DNAAF5: variants seen among roughly 807,000 people sequenced by gnomAD.
DNAAF5 encodes the protein HEAT repeat containing 2.
Under a neutral mutation model 75.8 loss-of-function variants are expected in DNAAF5, and 64 were observed. That is an observed-to-expected ratio of 0.84 (90% CI 0.69 to 1.04). The LOEUF is 1.04. Ranked by LOEUF, DNAAF5 falls within the 50% of genes least tolerant of loss-of-function variation. The pLI is 0.00. For synonymous variants in DNAAF5, 657 were observed against 557.2 expected, an observed-to-expected ratio of 1.18 and a Z score of -2.52; for missense variants, 1,269 against 1,178.5, an observed-to-expected ratio of 1.08 and a Z score of -1.12.
chr7:757,492 T>C (rs978028029), intron 6 of DNAAF5, among the ~76,000 whole-genome samples: 38 of 152,222 alleles, frequency 2.5e-4, no homozygotes, highest in Admixed American at 2.5e-3. Flanking sequence ...CAGGGGGCAC[T>C]GACAGCCTGT....
In DNAAF5 at chr7:727,329, GC is replaced by G. The variant is rs1300157813; in HGVS notation, c.595+18del. 1 of 1,253,282 alleles carries G rather than the reference GC, an allele frequency of 8.0e-7. No individual in the cohort carries two copies. Among genetic ancestry groups the G allele is most frequent in the Non-Finnish European group, 1.0e-6 (1 of 996,334 alleles). 77.6% of individuals were successfully genotyped at this position (1,253,282 alleles called of 1,614,324 possible). On this transcript the variant is annotated intron_variant, in intron 1 of 12. Transcript: ENST00000297440. ...AGGCCACGCCCGGTGAGCACCCCGG[GC>G]CCCGCTCCCACACGCCACCCCACAC...
chr7:758,891 C>T lies in DNAAF5; in HGVS notation c.1470+1897C>T, dbSNP rs573771036. ...AGAGACGGGGTTTCTCCATGTTGGCCAGGCTGGTCTTGAACTCCTGACTTC... is the reference window on the plus strand; with the variant it reads ...AGAGACGGGGTTTCTCCATGTTGGCTAGGCTGGTCTTGAACTCCTGACTTC... On this transcript the variant is annotated intron_variant, in intron 6 of 12. Coordinates refer to ENST00000297440, the MANE Select transcript of DNAAF5 (RefSeq NM_017802.4). Among the ~76,000 whole-genome samples, 3 of 152,212 alleles carry T rather than the reference C, an allele frequency of 2.0e-5. No individual in the cohort carries two copies. In the East Asian group the frequency reaches 5.8e-4, roughly 29 times the overall value.
intron 3 of DNAAF5, 135 bp from the exon 4 acceptor site, chr7:741,211 TC>T: frequency 1.4e-6 from 1 of 715,710 alleles, no homozygotes; most frequent in Non-Finnish European, 2.3e-6. Context: ...GAATTTCTGG[TC>T]CACCTTTTCT....
At chr7:737,886 G>A (rs780243267) in intron 2 of DNAAF5, among the ~76,000 whole-genome samples, 4 of 152,172 alleles carry the variant, frequency 2.6e-5, no homozygotes, top group Non-Finnish European at 5.9e-5. Context: ...TAAATGTCTT[G>A]AGGTAGTTTT....
chr7:734,759 T>C (rs538696910), intron 2 of DNAAF5, among the ~76,000 whole-genome samples: 1 of 152,376 alleles, frequency 6.6e-6, no homozygotes, highest in African/African-American at 2.4e-5. Context: ...TACTTGTTAC[T>C]GGTCTGTTCA....
chr7:744,475 A>G (rs891105679), intron 4 of DNAAF5, among the ~76,000 whole-genome samples: 3 of 152,234 alleles, frequency 2.0e-5, no homozygotes, highest in Admixed American at 6.5e-5. Context: ...TGGCTGGGTC[A>G]AATGGTATGT....
rs1000487366 is a variant in DNAAF5, at chr7:729,865, T to C, written c.780+18T>C. 1.2e-6 allele frequency: 2 copies of C among 1,612,940 alleles called. No homozygotes were observed. Among genetic ancestry groups the C allele is most frequent in the Non-Finnish European group, 1.7e-6 (2 of 1,179,238 alleles). On this transcript the variant is annotated intron_variant, in intron 2 of 12. Coordinates refer to ENST00000297440, the MANE Select transcript of DNAAF5 (RefSeq NM_017802.4). ...TCCCGCAGGTAACTGGTGTTTCTCCTGGACAGTCTGTTCCTCTCTCCAACA... is the reference window on the plus strand; with the variant it reads ...TCCCGCAGGTAACTGGTGTTTCTCCCGGACAGTCTGTTCCTCTCTCCAACA...
intron 4 of DNAAF5, among the ~76,000 whole-genome samples, chr7:752,279 G>T (rs954768431): frequency 2.0e-5 from 3 of 152,276 alleles, no homozygotes; most frequent in Admixed American, 6.5e-5. Context: ...GCCCAGAACC[G>T]CAGAGCTAGG....
At chr7:784,913 G>A (rs761394803) in intron 12 of DNAAF5, among the ~76,000 whole-genome samples, 8 of 152,136 alleles carry the variant, frequency 5.3e-5, no homozygotes, top group Non-Finnish European at 1.2e-4. Flanking sequence ...TGTGACTGCC[G>A]TGCACCCACC....
At position 774,063 on chromosome 7, in the gene DNAAF5, C is replaced by T; in HGVS notation, c.1947C>T (p.Tyr649=). 1 of 1,614,122 alleles carries T rather than the reference C, an allele frequency of 6.2e-7. No homozygotes were observed. The highest frequency in any genetic ancestry group is 8.5e-7 in the Non-Finnish European group (1 of 1,180,022). ...TINSQGQFPS[Y]LETVTKDILA... is the part of the protein sequence containing the mutation. ...CCGGTTCCAGGCAGTTTCCCAGCTACCTCGAGACGGTGACAAAGGACATCC... is the reference window on the plus strand; with the variant it reads ...CCGGTTCCAGGCAGTTTCCCAGCTATCTCGAGACGGTGACAAAGGACATCC... Residue 649 remains tyrosine (Y), a synonymous_variant, in exon 10 of 13, where the codon TAC becomes TAT. Transcript: ENST00000297440.
chr7:730,272 GGGCA>G (rs1203264940), intron 2 of DNAAF5, among the ~76,000 whole-genome samples: 1 of 152,012 alleles, frequency 6.6e-6, no homozygotes, highest in Non-Finnish European at 1.5e-5. Context: ...ACCAAGAGAC[GGGCA>G]GGCAGGCAGG....
intron 2 of DNAAF5, among the ~76,000 whole-genome samples, chr7:739,411 GT>G (rs1186158027): frequency 6.6e-5 from 10 of 152,218 alleles, no homozygotes; most frequent in Admixed American, 6.5e-4. Flanking sequence ...GACAGTGACA[GT>G]TTGTTCTGTG....
rs1437158338 is a variant in DNAAF5 at position 770,439 on chromosome 7, C to G, written c.1784-32C>G. 3 of 1,601,450 alleles carry G rather than the reference C, an allele frequency of 1.9e-6. No individual in the cohort carries two copies. In the African/African-American group the frequency reaches 4.0e-5, roughly 21 times the overall value. ...GGGGCCTCCTCCCGTCTCCTGAGGG[C>G]CGTGCACAGGAGCCTCTGTTGTGTC... On this transcript the variant is annotated intron_variant, in intron 8 of 12. Transcript: ENST00000297440.
intron 8 of DNAAF5, among the ~76,000 whole-genome samples, chr7:767,411 A>G (rs1778345331): frequency 1.3e-5 from 2 of 152,176 alleles, no homozygotes; most frequent in African/African-American, 4.8e-5. Flanking sequence ...CAGCAATCAC[A>G]TTCATGAGAA....
chr7:784,440 C>T (rs950049237), intron 12 of DNAAF5, among the ~76,000 whole-genome samples: 6 of 152,172 alleles, frequency 3.9e-5, no homozygotes, highest in South Asian at 2.1e-4. Flanking sequence ...ACCTTGAGGT[C>T]CTCCTGGACC....
At chr7:746,528 C>T (rs1782116136) in intron 4 of DNAAF5, among the ~76,000 whole-genome samples, 1 of 131,628 alleles carries the variant, frequency 7.6e-6, no homozygotes, top group African/African-American at 2.9e-5. Flanking sequence ...CCCTGTCCAG[C>T]GTCTGTGTCA....
At chr7:729,083 G>A (rs536627587) in intron 1 of DNAAF5, among the ~76,000 whole-genome samples, 18 of 144,666 alleles carry the variant, frequency 1.2e-4, no homozygotes, top group South Asian at 8.9e-4. Flanking sequence ...TGCAACCTCC[G>A]CCTCCTGAGT....
chr7:736,298 G>A (rs1396971361), intron 2 of DNAAF5, among the ~76,000 whole-genome samples: 1 of 152,232 alleles, frequency 6.6e-6, no homozygotes, highest in Non-Finnish European at 1.5e-5. Flanking sequence ...AGTACTGGAA[G>A]TGGGGCATTG....
chr7:782,986 A>C (rs1779024546), intron 12 of DNAAF5, among the ~76,000 whole-genome samples: 1 of 152,276 alleles, frequency 6.6e-6, no homozygotes, highest in African/African-American at 2.4e-5. Context: ...CAACGTCAGA[A>C]ACTCTCCTGC....
Sources: allele counts gnomAD v4.1 joint callset (sites outside exome capture counted in the v4.1 genomes callset), GRCh38; gene constraint gnomAD v4.1.1; transcripts MANE v1.5; gene names NCBI Gene and HGNC (gene_info 2026-07-23, HGNC 2026-07-21).